The following MYO5A variants were observed in gnomAD, a reference collection of about 807,000 sequenced individuals.
The protein encoded by MYO5A is unconventional myosin-Va.
In MYO5A, 98 loss-of-function variants were observed where a neutral mutation model predicts 249.7. The observed-to-expected ratio is 0.39, with a 90% CI of 0.33 to 0.46. The LOEUF is 0.46. Ranked by LOEUF, MYO5A falls within the 20% of genes least tolerant of loss-of-function variation. MYO5A has a pLI of 0.98. For missense variants in MYO5A, 1,696 were observed against 2,308.8 expected, an observed-to-expected ratio of 0.73 and a Z score of 5.44; for synonymous variants, 778 against 810.6, an observed-to-expected ratio of 0.96 and a Z score of 0.68.
At chr15:52,438,995 G>C (rs902138627) in intron 1 of MYO5A, among the ~76,000 whole-genome samples, 15 of 152,232 alleles carry the variant, frequency 9.9e-5, no homozygotes, top group African/African-American at 3.6e-4. Context: ...GCTTGCCATC[G>C]TTCCTGCATG....
rs775270803 is a variant in MYO5A, at chr15:52,321,395, C to G, written c.4915G>C (p.Val1639Leu). ...TGAAGGATGTTCTCTAACACCCGCA[C>G]GAGCTGCTGGTAGATCTGAATGGCC... Reference protein sequence around the residue: ...DLAIQIYQQLVRVLENILQPM... With the variant: ...DLAIQIYQQLLRVLENILQPM... Residue 1639 changes from valine to leucine, a missense_variant, in exon 38 of 42, where the codon GTG becomes CTG. Val to Leu is a conservative substitution (Grantham distance 32, BLOSUM62 1). Around this residue, in one of 5 missense-constraint regions of MYO5A, gnomAD observed 625 missense variants for 908.1 expected, o/e 0.69. Coordinates refer to ENST00000399233, the MANE Select transcript of MYO5A (RefSeq NM_001382347.1). 3 of 1,614,066 alleles carry G rather than the reference C, an allele frequency of 1.9e-6. No homozygotes were observed. Among genetic ancestry groups the G allele is most frequent in the Admixed American group, 1.7e-5 (1 of 60,006 alleles).
At chr15:52,375,801 AACAG>A (rs2041380828) in intron 19 of MYO5A, among the ~76,000 whole-genome samples, 1 of 152,242 alleles carries the variant, frequency 6.6e-6, no homozygotes, top group Non-Finnish European at 1.5e-5. Flanking sequence ...CTCTTTATAG[AACAG>A]ACAGACATAC....
At chr15:52,370,535 TCCAA>T (rs2141085695) in intron 21 of MYO5A, 118 bp from the exon 22 acceptor site, 1 of 1,102,926 alleles carries the variant, frequency 9.1e-7, no homozygotes, top group South Asian at 1.4e-5. Flanking sequence ...TGATATAGTA[TCCAA>T]CCAAAATACT....
chr15:52,418,422 T>C (rs1037711623), intron 4 of MYO5A, among the ~76,000 whole-genome samples: 9 of 152,078 alleles, frequency 5.9e-5, no homozygotes, highest in Non-Finnish European at 5.9e-5. Flanking sequence ...TCATAGTCAA[T>C]TGAGAGAGAC....
rs1332527378 is a variant in MYO5A at position 52,308,893 on chromosome 15, C to T, written c.*4803G>A. ...ACTCATCCATGAACAGAGGTCACGG[C>T]AATACAGATCCTCTTCAACGCGCAT... On this transcript the variant is annotated 3_prime_UTR_variant, in exon 42 of 42. Coordinates refer to ENST00000399233, the MANE Select transcript of MYO5A (RefSeq NM_001382347.1). 6.5e-6 allele frequency: 1 copy of T among 153,028 alleles called. No individual in the cohort carries two copies. Among genetic ancestry groups the T allele is most frequent in the South Asian group, 2.1e-4 (1 of 4,836 alleles). The allele number at this position is 153,028 out of a possible 1,614,324, so 9.5% of individuals were successfully genotyped here. A position where few individuals can be genotyped will look rare whatever the true frequency, so the allele number is the denominator to read the frequency against.
chr15:52,487,031 T>C (rs1319838502), intron 1 of MYO5A, among the ~76,000 whole-genome samples: 1 of 152,244 alleles, frequency 6.6e-6, no homozygotes, highest in East Asian at 1.9e-4. Context: ...AAGTTTTACG[T>C]TGATACTAAA....
intron 9 of MYO5A, among the ~76,000 whole-genome samples, chr15:52,402,786 A>G (rs1241302406): frequency 6.6e-6 from 1 of 152,176 alleles, no homozygotes; most frequent in Non-Finnish European, 1.5e-5. Context: ...TGGAGGTTGC[A>G]GTGAGCCAAG....
At chr15:52,407,180 A>C (rs2043042779) in intron 8 of MYO5A, 112 bp downstream of exon 8, 1 of 775,596 alleles carries the variant, frequency 1.3e-6, no homozygotes, top group Non-Finnish European at 2.3e-6. Context: ...GGAATATTAA[A>C]TCTTCTAGCA....
intron 1 of MYO5A, among the ~76,000 whole-genome samples, chr15:52,485,436 TAA>T (rs2141511894): frequency 6.6e-6 from 1 of 152,288 alleles, no homozygotes; most frequent in East Asian, 1.9e-4. Flanking sequence ...TTAAGTAGCC[TAA>T]GTCAGTTGAT....
intron 15 of MYO5A, among the ~76,000 whole-genome samples, chr15:52,383,593 G>C (rs552977899): frequency 2.0e-5 from 3 of 152,326 alleles, no homozygotes; most frequent in African/African-American, 7.2e-5. Context: ...TAATGAATGA[G>C]AGAATGACAA....
intron 31 of MYO5A, 110 bp downstream of exon 31, chr15:52,343,007 C>T (rs2140996194): frequency 1.1e-6 from 1 of 874,262 alleles, no homozygotes; most frequent in Non-Finnish European, 1.9e-6. Context: ...ACTAATTTAC[C>T]CAAGAAGACA....
chr15:52,311,914 T>A lies in MYO5A; in HGVS notation c.*1782A>T, dbSNP rs75498066. 440 of 120,168 alleles carry A rather than the reference T, an allele frequency of 3.7e-3. 1 individual carries two copies. Among genetic ancestry groups the A allele is most frequent in the African/African-American group, 0.013 (421 of 31,870 alleles). The allele number at this position is 120,168 out of a possible 1,614,324, so 7.4% of individuals were successfully genotyped here. On this transcript the variant is annotated 3_prime_UTR_variant, in exon 42 of 42. Transcript: ENST00000399233. ...CTGATATGAAGCTGTTTGACTTCCATAAATATTGCACATATTTTAATAAGA... is the reference window on the plus strand; with the variant it reads ...CTGATATGAAGCTGTTTGACTTCCAAAAATATTGCACATATTTTAATAAGA...
chr15:52,375,632 A>G (rs778249559), intron 19 of MYO5A, among the ~76,000 whole-genome samples, 172 bp from the exon 20 acceptor site: 2 of 152,212 alleles, frequency 1.3e-5, no homozygotes, highest in Non-Finnish European at 2.9e-5. Context: ...TTTGTATAGC[A>G]ATTTATAGTT....
intron 5 of MYO5A, among the ~76,000 whole-genome samples, chr15:52,411,657 T>C (rs17651242): frequency 0.15 from 22,655 of 152,156 alleles, 1,799 homozygotes; most frequent in Middle Eastern, 0.22. Flanking sequence ...ATGTCAGGAT[T>C]AGTAAATTGA....
In MYO5A at chr15:52,397,234, T is replaced by A. The variant is rs374075935; in HGVS notation, c.1286A>T (p.Gln429Leu). 3 of 1,614,010 alleles carry A rather than the reference T, an allele frequency of 1.9e-6. No homozygotes were observed. Among genetic ancestry groups the A allele is most frequent in the Non-Finnish European group, 2.5e-6 (3 of 1,180,004 alleles). The change falls in exon 10 of 42, where the codon CAG becomes CTG. Residue 429 changes from glutamine (Q) to leucine (L), a missense_variant. This residue lies in a region of MYO5A where 185 missense variants were observed against 204.8 expected (regional missense o/e 0.90). Transcript: ENST00000399233. Reference sequence around the variant, plus strand: ...GTCTAGCACACCAATAAAAGAGTGCTGTTTGACAGCAGAATGGAGAGCCTG... The same window carrying A: ...GTCTAGCACACCAATAAAAGAGTGCAGTTTGACAGCAGAATGGAGAGCCTG... Reference protein sequence around the residue: ...VNQALHSAVKQHSFIGVLDIY... With the variant: ...VNQALHSAVKLHSFIGVLDIY...
rs1566886175 is a variant in MYO5A at position 52,528,771 on chromosome 15, G to GT, written c.27+8dup. 6.6e-7 allele frequency: 1 copy of GT among 1,506,926 alleles called. No homozygotes were observed. Among genetic ancestry groups the GT allele is most frequent in the Non-Finnish European group, 8.8e-7 (1 of 1,134,766 alleles). The allele number at this position is 1,506,926 out of a possible 1,614,324, so 93.3% of individuals were successfully genotyped here. ...CCCAGTCCTCGACGCCGGCCGCGGG[G>GT]TGCCTTACCTTTGTGTAGAGCTCCG... On this transcript the variant is annotated intron_variant, in intron 1 of 41. Transcript: ENST00000399233.
chr15:52,327,866 T>C lies in MYO5A; in HGVS notation c.4696A>G (p.Lys1566Glu). ...SLLTSTINSI[K>E]KVLKKRGDDF... ...CAGGAACTGACCTTCAATACTTTTT[T>C]GATGCTGTTAATTGTTGATGTTAGC... Residue 1566 changes from lysine (K) to glutamate (E), a missense_variant, in exon 36 of 42, where the codon AAA (lysine) becomes GAA (glutamate). Lys to Glu is a moderately conservative substitution (Grantham distance 56). This residue lies in a region of MYO5A where 625 missense variants were observed against 908.1 expected (regional missense o/e 0.69). Coordinates refer to ENST00000399233, the MANE Select transcript of MYO5A (RefSeq NM_001382347.1). The C allele has an allele frequency of 6.2e-7, 1 of 1,613,940 alleles. No homozygotes were observed.
intron 1 of MYO5A, among the ~76,000 whole-genome samples, chr15:52,527,391 T>C (rs2077747898): frequency 6.6e-6 from 1 of 152,224 alleles, no homozygotes; most frequent in South Asian, 2.1e-4. Flanking sequence ...AGATCTACAA[T>C]GCCTAAAGAA....
At chr15:52,389,169 C>A (rs2042101300) in intron 13 of MYO5A, 69 bp downstream of exon 13, 47 of 1,504,064 alleles carry the variant, frequency 3.1e-5, no homozygotes, top group Non-Finnish European at 3.9e-5. Context: ...AAAAAAGATA[C>A]CTCCTGACTA....
Sources: allele counts gnomAD v4.1 joint callset (sites outside exome capture counted in the v4.1 genomes callset), GRCh38; gene constraint gnomAD v4.1.1; regional missense constraint gnomAD v4.1.1; transcripts MANE v1.5; gene names NCBI Gene and HGNC (gene_info 2026-07-23, HGNC 2026-07-21).